DACH1: variants seen among roughly 807,000 people sequenced by gnomAD.
DACH1 encodes the protein dachshund family transcription factor 1, also known as dachshund homolog 1.
In DACH1, 12 loss-of-function variants were observed where a neutral mutation model predicts 54.2. The ratio of observed to expected loss-of-function variants is 0.22; its 90% CI spans 0.14 to 0.36. The LOEUF is 0.36. Among genes scored for constraint, DACH1 ranks in the 10% least tolerant of loss-of-function variants. The pLI, the probability that DACH1 is intolerant of heterozygous loss-of-function variation, is 1.00. For synonymous variants in DACH1, 386 were observed against 366.2 expected, an observed-to-expected ratio of 1.05 and a Z score of -0.62; for missense variants, 805 against 929.8, an observed-to-expected ratio of 0.87 and a Z score of 1.75.
chr13:71,805,207 A>G (rs1262236236), intron 1 of DACH1, among the ~76,000 whole-genome samples: 3 of 152,154 alleles, frequency 2.0e-5, no homozygotes, highest in Non-Finnish European at 4.4e-5. Flanking sequence ...ATACATTTGT[A>G]TACAATTATC....
chr13:71,759,591 A>T, intron 1 of DACH1, among the ~76,000 whole-genome samples: 1 of 152,220 alleles, frequency 6.6e-6, no homozygotes, highest in Non-Finnish European at 1.5e-5. Flanking sequence ...AGAGAAATAG[A>T]TGTAAAAAAG....
At chr13:71,597,284 G>A (rs768149371) in intron 3 of DACH1, among the ~76,000 whole-genome samples, 2 of 152,120 alleles carry the variant, frequency 1.3e-5, no homozygotes, top group South Asian at 2.1e-4. Context: ...GTGAATTAAT[G>A]CATACGTAAG....
At chr13:71,734,196 T>TA (rs1420075821) in intron 1 of DACH1, among the ~76,000 whole-genome samples, 1 of 27,002 alleles carries the variant, frequency 3.7e-5, no homozygotes, top group East Asian at 4.4e-4. Flanking sequence ...CATATACGTA[T>TA]ACCCATATAT....
chr13:71,449,227 GAGGCAGGAGAATTGCTTCAACCTGGA>G (rs1169974000), intron 10 of DACH1, among the ~76,000 whole-genome samples: 2 of 152,134 alleles, frequency 1.3e-5, no homozygotes, highest in Admixed American at 1.3e-4. Context: ...TCAGGAGGCT[GAGGCAGGAGAATTGCTTCAACCTGGA>G]AGGCGGAGAT....
chr13:71,835,440 G>A (rs1179813168), intron 1 of DACH1, among the ~76,000 whole-genome samples: 3 of 152,014 alleles, frequency 2.0e-5, no homozygotes, highest in African/African-American at 4.8e-5. Flanking sequence ...AAAACAACAA[G>A]GGTAAGAATC....
intron 1 of DACH1, among the ~76,000 whole-genome samples, chr13:71,756,666 G>A (rs939927634): frequency 2.0e-5 from 3 of 152,168 alleles, no homozygotes; most frequent in South Asian, 2.1e-4. Context: ...GTCTAATGAG[G>A]AAGACTGATA....
intron 6 of DACH1, among the ~76,000 whole-genome samples, chr13:71,542,326 T>C (rs1219182015): frequency 6.6e-6 from 1 of 152,108 alleles, no homozygotes; most frequent in African/African-American, 2.4e-5. Context: ...TTCAAAGTTG[T>C]ACATCAGGTA....
intron 1 of DACH1, among the ~76,000 whole-genome samples, chr13:71,846,791 T>C (rs1276639294): frequency 6.6e-6 from 1 of 152,204 alleles, no homozygotes; most frequent in East Asian, 1.9e-4. Flanking sequence ...ACTGCTCTGA[T>C]CTTTAGTGCC....
chr13:71,460,498 G>C (rs996145893), intron 10 of DACH1, among the ~76,000 whole-genome samples: 19 of 151,968 alleles, frequency 1.3e-4, no homozygotes. Flanking sequence ...ATTCTTCAGT[G>C]TATTTACATG....
intron 1 of DACH1, among the ~76,000 whole-genome samples, chr13:71,757,287 G>C (rs1885205473): frequency 6.6e-6 from 1 of 152,036 alleles, no homozygotes; most frequent in Admixed American, 6.6e-5. Context: ...AATGCCATAA[G>C]CACTAGAACA....
Position 71,686,879 on chromosome 13 carries a change from G to C in DACH1, c.849-4969C>G, listed in dbSNP as rs148962895. On this transcript the variant is annotated intron_variant, in intron 1 of 10. Coordinates refer to ENST00000613252, the MANE Select transcript of DACH1 (RefSeq NM_080759.6). Reference sequence around the variant, plus strand: ...TTCATTCATTCATTCATTTATTCAAGAGAAAAGAGCTACTGTATATAAGCA... The same window carrying C: ...TTCATTCATTCATTCATTTATTCAACAGAAAAGAGCTACTGTATATAAGCA... Among the ~76,000 whole-genome samples, 187 of 152,298 alleles carry C rather than the reference G, an allele frequency of 1.2e-3. 2 individuals carry two copies. The highest frequency in any genetic ancestry group is 4.3e-3 in the African/African-American group (179 of 41,548).
At chr13:71,830,551 C>G (rs926380147) in intron 1 of DACH1, among the ~76,000 whole-genome samples, 3 of 151,702 alleles carry the variant, frequency 2.0e-5, no homozygotes, top group African/African-American at 7.3e-5. Context: ...GAGGAAGAGA[C>G]AAAGAGAAAT....
At chr13:71,748,273 C>T (rs7337360) in intron 1 of DACH1, among the ~76,000 whole-genome samples, 115,006 of 151,908 alleles carry the variant, frequency 0.76, 45,655 homozygotes, top group Non-Finnish European at 0.9. Flanking sequence ...TGGTAGGGGA[C>T]ATTATCTAAG....
At chr13:71,807,419 CAA>C (rs10688170) in intron 1 of DACH1, among the ~76,000 whole-genome samples, 59 of 99,672 alleles carry the variant, frequency 5.9e-4, no homozygotes, top group African/African-American at 2.2e-3. Flanking sequence ...TCACAGATTG[CAA>C]AAAAAAAAAA....
At chr13:71,666,972 A>G (rs1304307662) in intron 2 of DACH1, among the ~76,000 whole-genome samples, 2 of 152,142 alleles carry the variant, frequency 1.3e-5, no homozygotes, top group African/African-American at 4.8e-5. Flanking sequence ...GCAAAACTCT[A>G]TCTCAAAATA....
intron 1 of DACH1, among the ~76,000 whole-genome samples, chr13:71,711,036 G>T (rs1051056953): frequency 2.0e-5 from 3 of 152,112 alleles, no homozygotes; most frequent in Non-Finnish European, 2.9e-5. Context: ...ATTGATGGAA[G>T]AAATGGTTCT....
At chr13:71,824,775 G>T (rs1397253426) in intron 1 of DACH1, among the ~76,000 whole-genome samples, 1 of 151,974 alleles carries the variant, frequency 6.6e-6, no homozygotes, top group Non-Finnish European at 1.5e-5. Flanking sequence ...GGAGGAATTT[G>T]TCCTAAAATA....
At chr13:71,740,893 T>C (rs1884353740) in intron 1 of DACH1, among the ~76,000 whole-genome samples, 1 of 152,136 alleles carries the variant, frequency 6.6e-6, no homozygotes, top group Non-Finnish European at 1.5e-5. Flanking sequence ...AAAATTATGT[T>C]AAAATGGAAG....
At chr13:71,708,953 C>G (rs1882581107) in intron 1 of DACH1, among the ~76,000 whole-genome samples, 1 of 149,414 alleles carries the variant, frequency 6.7e-6, no homozygotes, top group Non-Finnish European at 1.5e-5. Context: ...CCCGGGTTCA[C>G]GCCATTCTCC....
Sources: allele counts gnomAD v4.1 joint callset (sites outside exome capture counted in the v4.1 genomes callset), GRCh38; gene constraint gnomAD v4.1.1; transcripts MANE v1.5; gene names NCBI Gene and HGNC (gene_info 2026-07-23, HGNC 2026-07-21).